The following FAM53B variants were observed in gnomAD, a reference collection of about 807,000 sequenced individuals.
FAM53B encodes protein FAM53B.
Under a neutral mutation model 32.7 loss-of-function variants are expected in FAM53B, and 12 were observed. The ratio of observed to expected loss-of-function variants is 0.37; its 90% confidence interval spans 0.24 to 0.59. The LOEUF is 0.59. Among genes scored for constraint, FAM53B ranks in the 20% least tolerant of loss-of-function variants. The pLI is 0.72. For missense variants in FAM53B, 477 were observed against 577.7 expected (o/e 0.83, Z 1.79); for synonymous variants, 234 against 228.7 (o/e 1.02, Z -0.21).
intron 2 of FAM53B, among the ~76,000 whole-genome samples, chr10:124,701,222 C>A (rs755134918): frequency 6.6e-6 from 1 of 152,206 alleles, no homozygotes; most frequent in Non-Finnish European, 1.5e-5. Context: ...TAGCATGGCC[C>A]GAAGTATGAA....
chr10:124,664,622 C>T (rs769667492), intron 4 of FAM53B, among the ~76,000 whole-genome samples: 3 of 152,176 alleles, frequency 2.0e-5, no homozygotes, highest in East Asian at 1.9e-4. Flanking sequence ...CACCTAAGGA[C>T]GGCAAAAGAC....
At chr10:124,625,659 C>T (rs1192332468) in intron 4 of FAM53B, among the ~76,000 whole-genome samples, 2 of 152,230 alleles carry the variant, frequency 1.3e-5, no homozygotes, top group Non-Finnish European at 2.9e-5. Flanking sequence ...GTGGAAGCCC[C>T]AGTGCTTTCG....
chr10:124,652,737 T>A (rs1949564441), intron 4 of FAM53B, among the ~76,000 whole-genome samples: 1 of 152,190 alleles, frequency 6.6e-6, no homozygotes, highest in African/African-American at 2.4e-5. Flanking sequence ...CCATCTGTCC[T>A]ATATGGCTCC....
intron 4 of FAM53B, among the ~76,000 whole-genome samples, chr10:124,624,434 G>A (rs1481004632): frequency 6.6e-6 from 1 of 152,220 alleles, no homozygotes; most frequent in African/African-American, 2.4e-5. Context: ...GGAGGGGCCA[G>A]GCTCCAGGTT....
chr10:124,631,945 A>G (rs1242437625), intron 4 of FAM53B, among the ~76,000 whole-genome samples: 1 of 152,144 alleles, frequency 6.6e-6, no homozygotes, highest in Non-Finnish European at 1.5e-5. Context: ...CCTGGTTCAC[A>G]GTGGGTGCAT....
intron 2 of FAM53B, among the ~76,000 whole-genome samples, chr10:124,698,750 G>C (rs1447452627): frequency 3.3e-5 from 5 of 151,980 alleles, no homozygotes; most frequent in Middle Eastern, 3.2e-3. Context: ...CTTACAGCCT[G>C]TACCCTCGGC....
intron 4 of FAM53B, among the ~76,000 whole-genome samples, chr10:124,637,311 G>A (rs1407937651): frequency 2.0e-5 from 3 of 152,178 alleles, no homozygotes; most frequent in Non-Finnish European, 2.9e-5. Context: ...CTGGCAGGAC[G>A]TGGGTGCCTG....
At position 124,623,318 on chromosome 10, in the gene FAM53B, C is replaced by T. The variant is rs923521003; in HGVS notation, c.1193G>A (p.Arg398Gln). ...GCTGTTCCCAGGGGCCCCGCGGTCC[C>T]GCCAGGCTGCAGCCGGCTCCGCTCT... ...GRRAEPAAAW[R>Q]DRGAPGNSLC... The change falls in exon 5 of 5, where the codon CGG becomes CAG. Residue 398 changes from arginine to glutamine, a missense_variant. Transcript: ENST00000337318. 4.3e-6 allele frequency: 7 copies of T among 1,612,486 alleles called. No homozygotes were observed. Among genetic ancestry groups the T allele is most frequent in the Non-Finnish European group, 5.9e-6 (7 of 1,179,748 alleles).
Position 124,733,226 on chromosome 10 carries a change from C to T in FAM53B, c.-175+10787G>A, listed in dbSNP as rs941126769. ...GATGGGCTGCTAACTGCAGTTCCGC[C>T]TCCACCTCTGCACAGGTTCAGTATT... On this transcript the variant is annotated intron_variant, in intron 1 of 4. Transcript: ENST00000337318. The surrounding 1 kb of genome is among the most constrained non-coding windows in gnomAD (Gnocchi z 4.3). Among the ~76,000 whole-genome samples, 4 of 152,354 alleles carry T rather than the reference C, an allele frequency of 2.6e-5. No homozygotes were observed. The highest frequency in any genetic ancestry group is 9.6e-5 in the African/African-American group (4 of 41,594).
chr10:124,647,735 G>A (rs1233326649), intron 4 of FAM53B, among the ~76,000 whole-genome samples: 1 of 152,132 alleles, frequency 6.6e-6, no homozygotes, highest in East Asian at 1.9e-4. Context: ...CCTCCCCCAG[G>A]GCACCTCACT....
intron 3 of FAM53B, among the ~76,000 whole-genome samples, chr10:124,684,722 T>A (rs758429737): frequency 3.3e-5 from 5 of 152,126 alleles, no homozygotes. Context: ...TTTCACCATG[T>A]TGGCCAGGCT....
At chr10:124,643,804 C>T (rs956936557) in intron 4 of FAM53B, among the ~76,000 whole-genome samples, 1 of 152,220 alleles carries the variant, frequency 6.6e-6, no homozygotes, top group Non-Finnish European at 1.5e-5. Context: ...CAGCGGTGCA[C>T]GCTGGGCGGC....
At chr10:124,685,707 T>C (rs1949798521) in intron 3 of FAM53B, among the ~76,000 whole-genome samples, 1 of 152,212 alleles carries the variant, frequency 6.6e-6, no homozygotes, top group African/African-American at 2.4e-5. Flanking sequence ...TCCCCATCTC[T>C]AGGGAAATCA....
chr10:124,625,273 T>C (rs933475267), intron 4 of FAM53B, among the ~76,000 whole-genome samples: 2 of 152,216 alleles, frequency 1.3e-5, no homozygotes, highest in Admixed American at 6.5e-5. Context: ...GAAGCCGTTC[T>C]GATGGGTTTG....
Position 124,744,118 on chromosome 10 carries a change from G to A in FAM53B, c.-280C>T, listed in dbSNP as rs972740076. 6.8e-6 allele frequency: 1 copy of A among 147,196 alleles called. No homozygotes were observed. The highest frequency in any genetic ancestry group is 2.4e-5 in the African/African-American group (1 of 40,982). 9.1% of individuals were successfully genotyped at this position (147,196 alleles called of 1,614,324 possible). On this transcript the variant is annotated 5_prime_UTR_variant, in exon 1 of 5. Coordinates refer to ENST00000337318, the MANE Select transcript of FAM53B (RefSeq NM_014661.4). ...GCGTCCGCCGCGCGCACGCTCGCCT[G>A]CCGGCGCCGAGCGCTTTGTACGAGC... is the stretch of plus-strand genomic sequence containing the variant.
intron 4 of FAM53B, among the ~76,000 whole-genome samples, chr10:124,663,509 A>G (rs546060022): frequency 6.6e-6 from 1 of 152,334 alleles, no homozygotes; most frequent in African/African-American, 2.4e-5. Context: ...AAGACAAACC[A>G]GAGGTGGCCT....
Position 124,621,336 on chromosome 10 carries a change from C to CA in FAM53B, c.*1905_*1906insT, listed in dbSNP as rs1347122328. ...CATTTGCTCTAAGAAGACATGGTCT[C>CA]CATGACCCCCAGGCAGGGACAGGCC... On this transcript the variant is annotated 3_prime_UTR_variant, in exon 5 of 5. Transcript: ENST00000337318. The CA allele has an allele frequency of 6.6e-6, 1 of 152,362 alleles. No individual in the cohort carries two copies. The highest frequency in any genetic ancestry group is 1.5e-5 in the Non-Finnish European group (1 of 68,116). The allele number at this position is 152,362 out of a possible 1,614,324, so 9.4% of individuals were successfully genotyped here.
chr10:124,636,774 G>A (rs1408833243), intron 4 of FAM53B, among the ~76,000 whole-genome samples: 4 of 151,928 alleles, frequency 2.6e-5, no homozygotes, highest in East Asian at 3.9e-4. Context: ...GAGCAGCCTC[G>A]GTGGCCGCAG....
intron 4 of FAM53B, among the ~76,000 whole-genome samples, chr10:124,630,460 G>C (rs1418371703): frequency 6.6e-6 from 1 of 152,140 alleles, no homozygotes; most frequent in Non-Finnish European, 1.5e-5. Context: ...GCCCATTTTT[G>C]TGAAATGCTT....
Sources: gnomAD v4.1 joint callset for allele counts (sites outside exome capture counted in the v4.1 genomes callset) on GRCh38, gnomAD v4.1.1 for gene constraint, Gnocchi (gnomAD v3.1) non-coding constraint, MANE v1.5 for transcripts, NCBI Gene and HGNC (gene_info 2026-07-23, HGNC 2026-07-21) for gene names.